Variants in DDX42 observed in about 807,000 individuals in gnomAD.
The protein encoded by DDX42 is ATP-dependent RNA helicase DDX42.
Under a neutral mutation model 101.5 loss-of-function variants are expected in DDX42, and 22 were observed. The ratio of observed to expected loss-of-function variants is 0.22; its 90% CI spans 0.15 to 0.31. The LOEUF (loss-of-function observed/expected upper bound fraction) is 0.31, where lower values mean the gene tolerates loss of function less well. Ranked by LOEUF, DDX42 falls within the 10% of genes least tolerant of loss-of-function variation. DDX42 has a pLI of 1.00. For synonymous variants in DDX42, 402 were observed against 401.2 expected (o/e 1.00, Z -0.02); for missense variants, 849 against 1,199.9 (o/e 0.71, Z 4.32).
At chr17:63,779,670 C>G (rs1473834613) in intron 1 of DDX42, among the ~76,000 whole-genome samples, 1 of 152,150 alleles carries the variant, frequency 6.6e-6, no homozygotes, top group Non-Finnish European at 1.5e-5. Context: ...ACCCTATTCT[C>G]CCCTCCTCGC....
chr17:63,818,246 G>A lies in DDX42; in HGVS notation c.2665G>A (p.Ala889Thr). The change falls in exon 18 of 18, where the codon GCT becomes ACT. Residue 889 changes from alanine (A) to threonine (T), a missense_variant. Transcript: ENST00000389924. The part of the protein sequence containing the change: ...DGRNGESRKE[A>T]FNRESKMEPK... ...TCGGAATGGGGAAAGCAGGAAAGAAGCTTTTAATCGTGAGAGCAAGATGGA... is the reference window on the plus strand; with the variant it reads ...TCGGAATGGGGAAAGCAGGAAAGAAACTTTTAATCGTGAGAGCAAGATGGA... 1 of 1,614,148 alleles carries A rather than the reference G, an allele frequency of 6.2e-7. No individual in the cohort carries two copies. Among genetic ancestry groups the A allele is most frequent in the Non-Finnish European group, 8.5e-7 (1 of 1,180,048 alleles).
Position 63,818,669 on chromosome 17 carries a change from T to G in DDX42, c.*271T>G. On this transcript the variant is annotated 3_prime_UTR_variant, in exon 18 of 18. Transcript: ENST00000389924. ...TGGGTAAGTTGAGGTTATCTTGGGA[T>G]AAAGGGTCTTCTAGGGCACAAAACT... 1 of 395,376 alleles carries G rather than the reference T, an allele frequency of 2.5e-6. No homozygotes were observed. Among genetic ancestry groups the G allele is most frequent in the South Asian group, 3.7e-5 (1 of 27,174 alleles). The allele number at this position is 395,376 out of a possible 1,614,324, so 24.5% of individuals were successfully genotyped here.
chr17:63,778,710 G>A (rs991026895), intron 1 of DDX42, among the ~76,000 whole-genome samples: 4 of 151,736 alleles, frequency 2.6e-5, no homozygotes, highest in African/African-American at 9.7e-5. Context: ...GCACGATCTC[G>A]GCTCACTGCA....
intron 17 of DDX42, 124 bp downstream of exon 17, chr17:63,817,090 C>A: frequency 1.4e-6 from 1 of 706,896 alleles, no homozygotes; most frequent in Non-Finnish European, 2.3e-6. Context: ...GGTCTTCACG[C>A]TGCTTGGATT....
Position 63,787,026 on chromosome 17 carries a change from C to T in DDX42, c.-16-8C>T, listed in dbSNP as rs1283038144. The T allele has an allele frequency of 6.2e-7, 1 of 1,613,370 alleles. No individual in the cohort carries two copies. Among genetic ancestry groups the T allele is most frequent in the Non-Finnish European group, 8.5e-7 (1 of 1,179,626 alleles). On this transcript the variant is annotated splice_polypyrimidine_tract_variant and splice_region_variant and intron_variant, in intron 1 of 17. Transcript: ENST00000389924. ...TTAATTTATATTTGTGTATCTTATT[C>T]CTAACAGGTCAGTCATTGGCACCAT...
intron 3 of DDX42, among the ~76,000 whole-genome samples, chr17:63,797,797 G>C (rs1035626129): frequency 1.3e-5 from 2 of 152,088 alleles, no homozygotes; most frequent in African/African-American, 4.8e-5. Context: ...AAGCATTTTT[G>C]TTCATTTTTC....
intron 4 of DDX42, among the ~76,000 whole-genome samples, chr17:63,799,163 T>C (rs2039730060): frequency 6.6e-6 from 1 of 152,186 alleles, no homozygotes; most frequent in African/African-American, 2.4e-5. Context: ...ACCCTAGAGC[T>C]AGAAACTTTG....
intron 13 of DDX42, chr17:63,811,663 A>G (rs2039911794): frequency 3.6e-6 from 2 of 551,106 alleles, no homozygotes; most frequent in Admixed American, 6.2e-5. Flanking sequence ...GGCTGCTTAG[A>G]GAATCCTTCA....
At chr17:63,799,716 C>G in intron 5 of DDX42, 91 bp downstream of exon 5, 1 of 1,267,006 alleles carries the variant, frequency 7.9e-7, no homozygotes, top group Admixed American at 2.2e-5. Context: ...TCAAAATGGC[C>G]ATTCCTGACA....
intron 2 of DDX42, among the ~76,000 whole-genome samples, chr17:63,790,659 C>G (rs2039615848): frequency 6.6e-6 from 1 of 152,184 alleles, no homozygotes; most frequent in South Asian, 2.1e-4. Flanking sequence ...ACTTGGGAGG[C>G]TGAGGCAGGA....
chr17:63,800,057 C>A, intron 5 of DDX42: 1 of 211,780 alleles, frequency 4.7e-6, no homozygotes, highest in Non-Finnish European at 9.4e-6. Flanking sequence ...CCCCATTGTT[C>A]AGTTGTGGAG....
chr17:63,813,864 G>T (rs2144588651), intron 15 of DDX42, among the ~76,000 whole-genome samples: 1 of 151,356 alleles, frequency 6.6e-6, no homozygotes, highest in South Asian at 2.1e-4. Context: ...TTTTGAGACA[G>T]AATCTCACTC....
chr17:63,812,177 C>T lies in DDX42; in HGVS notation c.1644C>T (p.Asp548=), dbSNP rs1283180659. 1 of 1,613,388 alleles carries T rather than the reference C, an allele frequency of 6.2e-7. No individual in the cohort carries two copies. Among genetic ancestry groups the T allele is most frequent in the Non-Finnish European group, 8.5e-7 (1 of 1,179,568 alleles). Residue 548 remains aspartate (D), a synonymous_variant, in exon 14 of 18, where the codon GAC becomes GAT. Transcript: ENST00000389924. ...NKVISDFKKK[D]IPVLVATDVA... Reference sequence around the variant, plus strand: ...TCATTTCAGACTTTAAGAAAAAGGACATCCCAGTCCTGGTGGCCACAGATG... The same window carrying T: ...TCATTTCAGACTTTAAGAAAAAGGATATCCCAGTCCTGGTGGCCACAGATG...
rs538381575 is a variant in DDX42 at position 63,810,856 on chromosome 17, A to G, written c.1301-220A>G. 4.6e-5 allele frequency among the ~76,000 whole-genome samples: 7 copies of G among 152,372 alleles called. 1 individual carries two copies. The South Asian group carries it at 1.4e-3, about 32-fold the overall frequency. Reference sequence around the variant, plus strand: ...ACAGATCTGCTGATTTGAAATCAAGAGTCTTTTTCTGAACCATACTGACAA... The same window carrying G: ...ACAGATCTGCTGATTTGAAATCAAGGGTCTTTTTCTGAACCATACTGACAA... On this transcript the variant is annotated intron_variant, in intron 12 of 17. Transcript: ENST00000389924.
chr17:63,801,410 G>A (rs1567739054), intron 6 of DDX42, among the ~76,000 whole-genome samples: 1 of 152,054 alleles, frequency 6.6e-6, no homozygotes, highest in Non-Finnish European at 1.5e-5. Flanking sequence ...TGTTTTTGTT[G>A]TTGTTGCTAT....
intron 16 of DDX42, 158 bp from the exon 17 acceptor site, chr17:63,816,710 T>A: frequency 2.1e-6 from 1 of 470,962 alleles, no homozygotes; most frequent in South Asian, 4.4e-5. Context: ...TTTAAATGAT[T>A]GTCACTGTGT....
intron 6 of DDX42, among the ~76,000 whole-genome samples, chr17:63,803,218 T>G (rs113625979): frequency 2.4e-4 from 37 of 152,264 alleles, no homozygotes; most frequent in Middle Eastern, 3.4e-3. Flanking sequence ...AAAACTTCAG[T>G]AATATGGTTT....
At chr17:63,775,338 C>T (rs2039406774) in intron 1 of DDX42, among the ~76,000 whole-genome samples, 1 of 151,850 alleles carries the variant, frequency 6.6e-6, no homozygotes, top group Non-Finnish European at 1.5e-5. Context: ...TAGCGCCGTT[C>T]TAGGTGATAG....
At chr17:63,815,710 G>T in intron 16 of DDX42, 37 bp downstream of exon 16, 3 of 1,418,096 alleles carry the variant, frequency 2.1e-6, no homozygotes, top group South Asian at 1.2e-5. Flanking sequence ...CTTTATAGTT[G>T]GTCTCATGTC....
Sources: gnomAD v4.1 joint callset for allele counts (sites outside exome capture counted in the v4.1 genomes callset) on GRCh38, gnomAD v4.1.1 for gene constraint, MANE v1.5 for transcripts, NCBI Gene and HGNC (gene_info 2026-07-23, HGNC 2026-07-21) for gene names.